WDR43: variants seen among roughly 807,000 people sequenced by gnomAD.
The protein encoded by WDR43 is WD repeat-containing protein 43.
A neutral mutation model predicts 91.4 loss-of-function variants in WDR43; 13 were observed. The observed-to-expected ratio is 0.14, with a 90% CI of 0.09 to 0.23. The LOEUF (loss-of-function observed/expected upper bound fraction) is 0.23. WDR43 is among the 10% of genes least tolerant of loss of function. The pLI, the probability that WDR43 is intolerant of heterozygous loss-of-function variation, is 1.00. For missense variants in WDR43, 780 were observed against 809.4 expected (o/e 0.96, Z 0.44); for synonymous variants, 331 against 287.9 (o/e 1.15, Z -1.51).
chr2:28,916,747 A>C (rs544449824), intron 5 of WDR43, among the ~76,000 whole-genome samples: 1 of 152,308 alleles, frequency 6.6e-6, no homozygotes, highest in African/African-American at 2.4e-5. Flanking sequence ...CCTTGGGGAA[A>C]TAGCTTAGGT....
chr2:28,922,384 G>C (rs1447737776), intron 6 of WDR43, among the ~76,000 whole-genome samples: 2 of 152,182 alleles, frequency 1.3e-5, no homozygotes, highest in Non-Finnish European at 2.9e-5. Flanking sequence ...CTGACAGCAA[G>C]AGTCTGGTAG....
intron 5 of WDR43, among the ~76,000 whole-genome samples, chr2:28,914,647 C>G (rs946248783): frequency 3.9e-5 from 6 of 152,048 alleles, no homozygotes; most frequent in African/African-American, 1.4e-4. Flanking sequence ...AAGTAAAAAT[C>G]AGGCCGGGTG....
chr2:28,908,876 A>G (rs1321395409), intron 3 of WDR43, among the ~76,000 whole-genome samples: 1 of 152,120 alleles, frequency 6.6e-6, no homozygotes, highest in Non-Finnish European at 1.5e-5. Context: ...GAATTTGTTT[A>G]CATTATGACT....
chr2:28,903,772 A>T (rs2148179356), intron 2 of WDR43, among the ~76,000 whole-genome samples: 1 of 152,256 alleles, frequency 6.6e-6, no homozygotes, highest in South Asian at 2.1e-4. Flanking sequence ...GCAGTGTGAT[A>T]GCTGCTCAGC....
intron 6 of WDR43, among the ~76,000 whole-genome samples, chr2:28,918,854 A>AT (rs1253796651): frequency 6.6e-5 from 10 of 152,224 alleles, no homozygotes; most frequent in African/African-American, 2.2e-4. Flanking sequence ...CACGTTTCTA[A>AT]TGCAAGTTAA....
Position 28,927,238 on chromosome 2 carries a change from G to GT in WDR43, c.1174-325dup, listed in dbSNP as rs1353254884. On this transcript the variant is annotated intron_variant, in intron 9 of 17. Transcript: ENST00000407426. ...TCATTGTGTCTTTATGTAATCTGTA[G>GT]TTTTTTAAAGCCAGTTGAATTTAGT... 8 of 496,520 alleles carry GT rather than the reference G, an allele frequency of 1.6e-5. No individual in the cohort carries two copies. In the Middle Eastern group the frequency reaches 9.7e-4, roughly 60 times the overall value. 30.8% of individuals were successfully genotyped at this position (496,520 alleles called of 1,614,324 possible).
rs749256168 is a variant in WDR43, at chr2:28,902,039, A to G, written c.278A>G (p.Gln93Arg). 1 of 1,610,980 alleles carries G rather than the reference A, an allele frequency of 6.2e-7. No individual in the cohort carries two copies. Among genetic ancestry groups the G allele is most frequent in the Non-Finnish European group, 8.5e-7 (1 of 1,179,118 alleles). ...RKSEAVGMSNQTDLLALGTAV... is the reference protein window; with the variant it reads ...RKSEAVGMSNRTDLLALGTAV... ...TCAGAAGCTGTAGGAATGAGTAACC[A>G]GACTGACTTATTGGCTCTTGGCACA... is the stretch of plus-strand genomic sequence containing the variant. Residue 93 changes from glutamine (Q) to arginine (R), a missense_variant, in exon 2 of 18, where the codon CAG becomes CGG. Coordinates refer to ENST00000407426, the MANE Select transcript of WDR43 (RefSeq NM_015131.3).
At chr2:28,902,171 G>T in intron 2 of WDR43, 47 bp downstream of exon 2, 1 of 1,490,412 alleles carries the variant, frequency 6.7e-7, no homozygotes, top group South Asian at 1.4e-5. Flanking sequence ...CAGGGAAGCT[G>T]ATTATTAGAG....
At chr2:28,934,850 T>G (rs528111608) in intron 11 of WDR43, among the ~76,000 whole-genome samples, 13 of 152,188 alleles carry the variant, frequency 8.5e-5, no homozygotes, top group Non-Finnish European at 1.5e-4. Context: ...AGAAAGACTC[T>G]CTGGAACTAA....
At chr2:28,945,231 A>G (rs1471030883) in intron 16 of WDR43, among the ~76,000 whole-genome samples, 1 of 151,426 alleles carries the variant, frequency 6.6e-6, no homozygotes, top group Non-Finnish European at 1.5e-5. Context: ...ATGTTAGAAT[A>G]TCTTAAAAAA....
chr2:28,899,529 G>T (rs575622179), intron 1 of WDR43, among the ~76,000 whole-genome samples: 4 of 152,190 alleles, frequency 2.6e-5, no homozygotes, highest in African/African-American at 9.7e-5. Context: ...GACTAGAGAA[G>T]GTGGGTTGAA....
chr2:28,912,539 T>TA, intron 3 of WDR43, 51 bp from the exon 4 acceptor site: 1 of 1,583,622 alleles, frequency 6.3e-7, no homozygotes, highest in South Asian at 1.2e-5. Context: ...CTGCTCTGAG[T>TA]AAAGTTTTCT....
rs1046316480 is a variant in WDR43, at chr2:28,906,508, A to G, written c.412A>G (p.Ser138Gly). 6 of 1,599,772 alleles carry G rather than the reference A, an allele frequency of 3.8e-6. No homozygotes were observed. The African/African-American group carries it at 8.0e-5, about 21-fold the overall frequency. ...RVNCIQWHQDSGCLYSCSDDK... is the reference protein window; with the variant it reads ...RVNCIQWHQDGGCLYSCSDDK... ...CAACTGCATACAGTGGCATCAAGAC[A>G]GTGGCTGTTTATATAGTTGTTCAGA... Residue 138 changes from serine (S) to glycine (G), a missense_variant, in exon 3 of 18, where the codon AGT becomes GGT. Physicochemically the swap from Ser to Gly is moderately conservative, Grantham distance 56. Transcript: ENST00000407426.
chr2:28,947,080 AGAATT>A lies in WDR43; in HGVS notation c.*304_*308del, dbSNP rs1671556161. 5.2e-6 allele frequency: 1 copy of A among 192,716 alleles called. No homozygotes were observed. Among genetic ancestry groups the A allele is most frequent in the East Asian group, 1.2e-4 (1 of 8,254 alleles). The allele number at this position is 192,716 out of a possible 1,614,324, so 11.9% of individuals were successfully genotyped here. A position where few individuals can be genotyped will look rare whatever the true frequency, so the allele number is the denominator to read the frequency against. ...TATCCTAGTATGATTGGTTATATCAAGAATTGACAAGTGCAGATAAAGACCTTTCC... is the reference window on the plus strand; with the variant it reads ...TATCCTAGTATGATTGGTTATATCAAGACAAGTGCAGATAAAGACCTTTCC... On this transcript the variant is annotated 3_prime_UTR_variant, in exon 18 of 18. Transcript: ENST00000407426.
chr2:28,938,511 G>A (rs900129835), intron 14 of WDR43, among the ~76,000 whole-genome samples: 2 of 152,146 alleles, frequency 1.3e-5, no homozygotes, highest in South Asian at 4.1e-4. Context: ...CATAATATGA[G>A]TTGGGTTCTT....
In WDR43 at chr2:28,922,993, A is replaced by C. The variant is rs759935196; in HGVS notation, c.914+10A>C. The C allele has an allele frequency of 6.8e-6, 11 of 1,607,668 alleles. No individual in the cohort carries two copies. In the Admixed American group the frequency reaches 1.5e-4, roughly 22 times the overall value. ...AACACATATTAAATGGGTAAGTAAGAAATTTTCCAAGTAAGAAATTTGTTT... is the reference window on the plus strand; with the variant it reads ...AACACATATTAAATGGGTAAGTAAGCAATTTTCCAAGTAAGAAATTTGTTT... On this transcript the variant is annotated intron_variant, in intron 7 of 17. Transcript: ENST00000407426.
chr2:28,921,464 G>A (rs1671024650), intron 6 of WDR43, among the ~76,000 whole-genome samples: 1 of 152,078 alleles, frequency 6.6e-6, no homozygotes. Flanking sequence ...TAGGAATGAT[G>A]GATCAGGAAG....
At chr2:28,928,696 T>G (rs898722517) in intron 10 of WDR43, among the ~76,000 whole-genome samples, 4 of 152,182 alleles carry the variant, frequency 2.6e-5, no homozygotes, top group Non-Finnish European at 5.9e-5. Context: ...TTGTTTGTTT[T>G]TTGGAGATAG....
intron 3 of WDR43, among the ~76,000 whole-genome samples, chr2:28,908,419 T>C (rs886349697): frequency 3.9e-5 from 6 of 152,190 alleles, no homozygotes; most frequent in Admixed American, 3.9e-4. Context: ...CACAGTAGTT[T>C]CTATGTTAGT....
Sources: gnomAD v4.1 joint callset for allele counts (sites outside exome capture counted in the v4.1 genomes callset) on GRCh38, gnomAD v4.1.1 for gene constraint, MANE v1.5 for transcripts, NCBI Gene and HGNC (gene_info 2026-07-23, HGNC 2026-07-21) for gene names.